Variants in PGR observed in about 807,000 individuals in gnomAD.
PGR encodes nuclear receptor subfamily 3 group C member 3.
PGR carries 25 observed loss-of-function variants against 76.1 expected under a neutral mutation model. The observed-to-expected ratio is 0.33, with a 90% CI of 0.24 to 0.46. PGR has a LOEUF of 0.46. Ranked by LOEUF, PGR falls within the 20% of genes least tolerant of loss-of-function variation. PGR has a pLI of 1.00. For missense variants in PGR, 1,172 were observed against 1,225.3 expected (o/e 0.96, Z 0.65); for synonymous variants, 579 against 535.0 (o/e 1.08, Z -1.14).
intron 2 of PGR, among the ~76,000 whole-genome samples, chr11:101,105,495 C>CTTTT (rs377349747): frequency 1.2e-4 from 16 of 136,648 alleles, no homozygotes; most frequent in African/African-American, 4.1e-4. Flanking sequence ...TAGCATATTC[C>CTTTT]TTTTTTTTTT....
chr11:101,091,096 C>G (rs503362), intron 3 of PGR, among the ~76,000 whole-genome samples: 112,539 of 152,114 alleles, frequency 0.74, 41,909 homozygotes, highest in East Asian at 0.99. Context: ...CAAGGGAGTA[C>G]GGGTGTCTTG....
chr11:101,107,860 C>T (rs1275216799), intron 2 of PGR, among the ~76,000 whole-genome samples: 3 of 51,504 alleles, frequency 5.8e-5, no homozygotes, highest in African/African-American at 2.1e-4. Context: ...TTGAAACTGG[C>T]TTTGTAAAAA....
intron 4 of PGR, among the ~76,000 whole-genome samples, chr11:101,055,824 T>C (rs910604210): frequency 6.6e-6 from 1 of 152,174 alleles, no homozygotes; most frequent in Non-Finnish European, 1.5e-5. Flanking sequence ...GGACTAGAAA[T>C]CCAGGCTTAC....
intron 3 of PGR, among the ~76,000 whole-genome samples, chr11:101,067,676 A>T (rs1032771732): frequency 3.3e-5 from 5 of 152,222 alleles, no homozygotes; most frequent in Non-Finnish European, 5.9e-5. Flanking sequence ...ATTGAACTGT[A>T]GGTAAAGCAC....
chr11:101,061,760 T>G (rs765173538), intron 4 of PGR, among the ~76,000 whole-genome samples: 6 of 152,150 alleles, frequency 3.9e-5, no homozygotes, highest in Non-Finnish European at 5.9e-5. Flanking sequence ...AAGTGAGAAT[T>G]TCATCCTTGT....
chr11:101,090,033 T>C (rs1437517339), intron 3 of PGR, among the ~76,000 whole-genome samples: 2 of 152,072 alleles, frequency 1.3e-5, no homozygotes, highest in African/African-American at 4.8e-5. Flanking sequence ...ACCCCATCTC[T>C]ACTAAAATAC....
chr11:101,066,767 CCTCAT>C (rs1211443621), intron 3 of PGR, among the ~76,000 whole-genome samples: 1 of 152,298 alleles, frequency 6.6e-6, no homozygotes, highest in African/African-American at 2.4e-5. Flanking sequence ...TATTTTCTCA[CCTCAT>C]ATCTAATACA....
At chr11:101,109,342 C>G (rs554309160) in intron 2 of PGR, among the ~76,000 whole-genome samples, 1 of 152,174 alleles carries the variant, frequency 6.6e-6, no homozygotes, top group South Asian at 2.1e-4. Flanking sequence ...ACCAGTTAGC[C>G]AAGTTGTAAA....
chr11:101,069,158 A>G (rs1369156840), intron 3 of PGR, among the ~76,000 whole-genome samples: 1 of 152,150 alleles, frequency 6.6e-6, no homozygotes, highest in Non-Finnish European at 1.5e-5. Flanking sequence ...CAGGGAACTT[A>G]AACAAATTTA....
Position 101,029,625 on chromosome 11 carries a change from A to G in PGR, c.*9491T>C. Reference sequence around the variant, plus strand: ...ATAATTCATTAATAAAGAGAGATATAGAAATTAGTTTATTCTTTATTATCA... The same window carrying G: ...ATAATTCATTAATAAAGAGAGATATGGAAATTAGTTTATTCTTTATTATCA... On this transcript the variant is annotated 3_prime_UTR_variant, in exon 8 of 8. Coordinates refer to ENST00000325455, the MANE Select transcript of PGR (RefSeq NM_000926.4). The G allele has an allele frequency of 1.1e-5, 2 of 186,866 alleles. No homozygotes were observed. The highest frequency in any genetic ancestry group is 2.3e-5 in the Non-Finnish European group (2 of 88,468). The allele number at this position is 186,866 out of a possible 1,614,324, so 11.6% of individuals were successfully genotyped here.
Position 101,032,131 on chromosome 11 carries a change from G to T in PGR, c.*6985C>A, listed in dbSNP as rs1859372812. On this transcript the variant is annotated 3_prime_UTR_variant, in exon 8 of 8. Coordinates refer to ENST00000325455, the MANE Select transcript of PGR (RefSeq NM_000926.4). ...AAAATAATTAGACATCTGGCCTTGTGTTTGACAATTTATATGGTGTATTTC... is the reference window on the plus strand; with the variant it reads ...AAAATAATTAGACATCTGGCCTTGTTTTTGACAATTTATATGGTGTATTTC... 1 of 232,750 alleles carries T rather than the reference G, an allele frequency of 4.3e-6. No homozygotes were observed. The highest frequency in any genetic ancestry group is 2.2e-5 in the African/African-American group (1 of 45,310). The allele number at this position is 232,750 out of a possible 1,614,324, so 14.4% of individuals were successfully genotyped here. A position where few individuals can be genotyped will look rare whatever the true frequency, so the allele number is the denominator to read the frequency against.
intron 4 of PGR, among the ~76,000 whole-genome samples, chr11:101,056,264 C>G (rs1381388225): frequency 1.3e-5 from 2 of 151,136 alleles, no homozygotes; most frequent in Non-Finnish European, 2.9e-5. Flanking sequence ...TTTTAAGTGA[C>G]TTGACCTGAT....
At chr11:101,058,090 T>G (rs1292010846) in intron 4 of PGR, among the ~76,000 whole-genome samples, 1 of 152,042 alleles carries the variant, frequency 6.6e-6, no homozygotes, top group Non-Finnish European at 1.5e-5. Flanking sequence ...GAGAAACATA[T>G]CTACCTGGAA....
chr11:101,042,224 CT>C, intron 6 of PGR, 122 bp from the exon 7 acceptor site: 1 of 886,350 alleles, frequency 1.1e-6, no homozygotes, highest in Non-Finnish European at 1.8e-6. Flanking sequence ...AAAAAAACAC[CT>C]TATATAGGAA....
chr11:101,081,461 C>T (rs747938152), intron 3 of PGR, among the ~76,000 whole-genome samples: 1 of 151,510 alleles, frequency 6.6e-6, no homozygotes, highest in Non-Finnish European at 1.5e-5. Flanking sequence ...TATATAGTCA[C>T]CAGAATGTTC....
intron 2 of PGR, among the ~76,000 whole-genome samples, chr11:101,114,765 C>A (rs922009995): frequency 6.6e-5 from 10 of 152,128 alleles, no homozygotes; most frequent in African/African-American, 2.4e-4. Context: ...TTCCTCTCTC[C>A]ACAACCCTGG....
At chr11:101,120,707 G>GT (rs1416356508) in intron 2 of PGR, among the ~76,000 whole-genome samples, 1 of 152,138 alleles carries the variant, frequency 6.6e-6, no homozygotes. Context: ...TGAGGTAGAG[G>GT]TATAGAAAGA....
At chr11:101,057,563 G>A (rs777733702) in intron 4 of PGR, among the ~76,000 whole-genome samples, 4 of 152,128 alleles carry the variant, frequency 2.6e-5, no homozygotes, top group African/African-American at 7.2e-5. Flanking sequence ...TGGGCACCAC[G>A]TGAAATTGAT....
At chr11:101,063,016 A>C (rs1161152954) in intron 3 of PGR, 6 of 357,198 alleles carry the variant, frequency 1.7e-5, no homozygotes, top group Non-Finnish European at 2.6e-5. Flanking sequence ...AGGTGTGGGT[A>C]ATTATACCAG....
Sources: gnomAD v4.1 joint callset for allele counts (sites outside exome capture counted in the v4.1 genomes callset) on GRCh38, gnomAD v4.1.1 for gene constraint, MANE v1.5 for transcripts, NCBI Gene and HGNC (gene_info 2026-07-23, HGNC 2026-07-21) for gene names.